Variants in PEX14 observed in about 807,000 individuals in gnomAD.
PEX14 encodes the protein peroxisomal membrane protein PEX14.
In PEX14, 15 loss-of-function variants were observed where a neutral mutation model predicts 49.5. The observed-to-expected ratio is 0.30, with a 90% CI of 0.20 to 0.47. The LOEUF is 0.47. PEX14 is among the 20% of genes least tolerant of loss of function. PEX14 has a pLI of 1.00. For missense variants in PEX14, 398 were observed against 494.8 expected, an observed-to-expected ratio of 0.80 and a Z score of 1.86; for synonymous variants, 210 against 212.7, an observed-to-expected ratio of 0.99 and a Z score of 0.11.
Position 10,474,976 on chromosome 1 carries a change from T to A in PEX14, c.10T>A (p.Ser4Thr). Residue 4 changes from serine to threonine, a missense_variant, in exon 1 of 9, where the codon TCG (serine) becomes ACG (threonine). This residue lies in a region of PEX14 where 56 missense variants were observed against 40.8 expected (regional missense o/e 1.37). Transcript: ENST00000356607. MASSEQAEQPSQPS... is the reference protein window; with the variant it reads MASTEQAEQPSQPS... ...GTCAGGCCTCAGAAAGATGGCGTCC[T>A]CGGAGCAGGCAGAGCAGCCGAGCCA... 6.2e-7 allele frequency: 1 copy of A among 1,609,176 alleles called. No individual in the cohort carries two copies.
chr1:10,561,385 T>C (rs1423316015), intron 3 of PEX14, among the ~76,000 whole-genome samples: 1 of 152,228 alleles, frequency 6.6e-6, no homozygotes. Flanking sequence ...TACTTGTCAT[T>C]AACATTTTTT....
At chr1:10,596,421 A>G (rs758775658) in intron 3 of PEX14, among the ~76,000 whole-genome samples, 1 of 152,186 alleles carries the variant, frequency 6.6e-6, no homozygotes, top group Non-Finnish European at 1.5e-5. Flanking sequence ...TATTGTTTCA[A>G]TGTAGCCCCA....
chr1:10,511,831 G>C (rs1241453489), intron 2 of PEX14, among the ~76,000 whole-genome samples: 1 of 152,106 alleles, frequency 6.6e-6, no homozygotes, highest in Non-Finnish European at 1.5e-5. Flanking sequence ...AGTCTTCTGT[G>C]GACTGCAGGA....
At chr1:10,511,413 T>C (rs1011983740) in intron 2 of PEX14, among the ~76,000 whole-genome samples, 3 of 152,218 alleles carry the variant, frequency 2.0e-5, no homozygotes, top group African/African-American at 7.2e-5. Context: ...GCTAACATCA[T>C]GGTGCGTTCT....
intron 2 of PEX14, among the ~76,000 whole-genome samples, chr1:10,502,933 G>A (rs1641707884): frequency 5.9e-5 from 9 of 151,520 alleles, no homozygotes; most frequent in Admixed American, 5.9e-4. Context: ...CAGTAGCTGG[G>A]ACTACCGGTG....
At chr1:10,488,735 C>G (rs560300672) in intron 1 of PEX14, among the ~76,000 whole-genome samples, 1 of 150,282 alleles carries the variant, frequency 6.7e-6, no homozygotes, top group South Asian at 2.1e-4. Context: ...GATCTCCTGA[C>G]CTCGTGATCC....
At chr1:10,511,653 C>A (rs1445374766) in intron 2 of PEX14, among the ~76,000 whole-genome samples, 1 of 152,138 alleles carries the variant, frequency 6.6e-6, no homozygotes, top group Non-Finnish European at 1.5e-5. Context: ...TGTGGGGCCT[C>A]TGACTTCCAT....
chr1:10,566,756 A>T (rs1639817201), intron 3 of PEX14, among the ~76,000 whole-genome samples: 1 of 152,018 alleles, frequency 6.6e-6, no homozygotes, highest in Non-Finnish European at 1.5e-5. Context: ...ACCTCAGGTG[A>T]TCCGCCCGCC....
chr1:10,618,552 A>G, intron 5 of PEX14, 135 bp downstream of exon 5: 1 of 758,886 alleles, frequency 1.3e-6, no homozygotes, highest in African/African-American at 1.7e-5. Flanking sequence ...AGGCTGTGGT[A>G]GAGGTCGGGG....
intron 2 of PEX14, chr1:10,524,615 G>A (rs2506887): frequency 0.81 from 124,355 of 153,436 alleles, 50,506 homozygotes; most frequent in Non-Finnish European, 0.84. Context: ...TCCCATTATT[G>A]GTAGGACACA....
intron 1 of PEX14, among the ~76,000 whole-genome samples, chr1:10,482,814 C>T (rs1349802973): frequency 2.0e-5 from 3 of 152,128 alleles, no homozygotes; most frequent in South Asian, 4.1e-4. Context: ...AATACCTGTA[C>T]GTGTCTTTTT....
intron 4 of PEX14, among the ~76,000 whole-genome samples, chr1:10,616,432 C>T (rs544645943): frequency 1.1e-4 from 17 of 152,294 alleles, no homozygotes; most frequent in South Asian, 4.1e-4. Context: ...TTCACTCGGC[C>T]GTGTTGTGAC....
chr1:10,564,644 G>A (rs1268253894), intron 3 of PEX14, among the ~76,000 whole-genome samples: 1 of 146,036 alleles, frequency 6.8e-6, no homozygotes, highest in East Asian at 2.0e-4. Context: ...TGTTGCCAAG[G>A]CTGGTCTCAA....
At chr1:10,571,407 G>A (rs1639973774) in intron 3 of PEX14, among the ~76,000 whole-genome samples, 1 of 152,098 alleles carries the variant, frequency 6.6e-6, no homozygotes. Flanking sequence ...TCTTGTTTAT[G>A]ATGGGTACAG....
chr1:10,526,253 G>C (rs1327867788), intron 2 of PEX14, among the ~76,000 whole-genome samples: 2 of 140,942 alleles, frequency 1.4e-5, no homozygotes, highest in Admixed American at 1.5e-4. Context: ...ACAGAGTCGT[G>C]CTCTGTTGCT....
rs201107513 is a variant in PEX14 at position 10,629,708 on chromosome 1, C to G, written c.855C>G (p.Gly285=). 1.9e-4 allele frequency: 298 copies of G among 1,609,492 alleles called. No individual in the cohort carries two copies. The highest frequency in any genetic ancestry group is 2.5e-4 in the Non-Finnish European group (296 of 1,178,014). ...SPGKEGHSPE[G]STVTYHLLGP... is the part of the protein sequence containing the mutation. ...GGAAGGAGGGCCACAGCCCCGAGGGCTCCACGGTCACCTACCACTTGCTGG... is the reference window on the plus strand; with the variant it reads ...GGAAGGAGGGCCACAGCCCCGAGGGGTCCACGGTCACCTACCACTTGCTGG... Residue 285 remains glycine (G), a synonymous_variant, in exon 9 of 9, where the codon GGC becomes GGG. Transcript: ENST00000356607. This position sits in a 1 kb window ranked among gnomAD's most constrained non-coding sequence, Gnocchi z 8.5.
intron 3 of PEX14, among the ~76,000 whole-genome samples, chr1:10,550,866 A>C (rs1639314936): frequency 6.6e-6 from 1 of 152,232 alleles, no homozygotes; most frequent in African/African-American, 2.4e-5. Flanking sequence ...TAGTTCGTCT[A>C]TACCTTTTCA....
chr1:10,603,658 C>T (rs1641047771), intron 4 of PEX14, among the ~76,000 whole-genome samples: 1 of 152,064 alleles, frequency 6.6e-6, no homozygotes. Flanking sequence ...GCAGGCCTAG[C>T]CCAGTCCTGA....
At chr1:10,500,508 T>C (rs899825722) in intron 2 of PEX14, among the ~76,000 whole-genome samples, 2 of 152,110 alleles carry the variant, frequency 1.3e-5, no homozygotes, top group African/African-American at 4.8e-5. Flanking sequence ...ACTTTTGTGG[T>C]TAGAATACTT....
Sources: allele counts gnomAD v4.1 joint callset (sites outside exome capture counted in the v4.1 genomes callset), GRCh38; gene constraint gnomAD v4.1.1; regional missense constraint gnomAD v4.1.1; non-coding constraint Gnocchi (gnomAD v3.1); transcripts MANE v1.5; gene names NCBI Gene and HGNC (gene_info 2026-07-23, HGNC 2026-07-21).